NKIRAS1: variants seen among roughly 807,000 people sequenced by gnomAD.
NKIRAS1 encodes NF-kappa-B inhibitor-interacting Ras-like protein 1.
NKIRAS1 carries 16 observed loss-of-function variants against 19.8 expected under a neutral mutation model. That is an observed-to-expected ratio of 0.81 (90% CI 0.55 to 1.23). NKIRAS1 has a LOEUF of 1.23. NKIRAS1 is among the 50% of genes most tolerant of loss of function. The pLI is 0.00. For missense variants in NKIRAS1, 184 were observed against 220.0 expected (o/e 0.84, Z 1.04); for synonymous variants, 88 against 79.0 (o/e 1.11, Z -0.61).
intron 4 of NKIRAS1, among the ~76,000 whole-genome samples, chr3:23,895,063 G>C (rs1014816913): frequency 6.6e-6 from 1 of 152,108 alleles, no homozygotes; most frequent in Non-Finnish European, 1.5e-5. Flanking sequence ...TTTTTTTAAA[G>C]AGACAGGGTC....
At chr3:23,918,910 G>A (rs1390041639), upstream of NKIRAS1, 1 of 518,972 alleles carries the variant, frequency 1.9e-6, no homozygotes, top group Middle Eastern at 5.0e-4. Flanking sequence ...AAAAGATAAG[G>A]TCCCCAAACC....
upstream of NKIRAS1, chr3:23,920,444 C>A: frequency 1.0e-6 from 1 of 985,426 alleles, no homozygotes; most frequent in African/African-American, 1.7e-5. Flanking sequence ...CCCTAAAAAT[C>A]CTTACCATTC....
At chr3:23,918,896 T>C (rs948874090), upstream of NKIRAS1, 3 of 519,240 alleles carry the variant, frequency 5.8e-6, no homozygotes, top group East Asian at 3.2e-5. Flanking sequence ...CTCAGTTGTA[T>C]GGAAAAAGAT....
chr3:23,917,554 C>T (rs1041995595), upstream of NKIRAS1: 5 of 296,354 alleles, frequency 1.7e-5, no homozygotes, highest in African/African-American at 6.6e-5. Context: ...TTCAGGTCCT[C>T]CTTGGGGACG....
At chr3:23,925,182 C>T (rs1041777679) in intron 1 of NKIRAS1, among the ~76,000 whole-genome samples, 4 of 152,142 alleles carry the variant, frequency 2.6e-5, no homozygotes, top group Admixed American at 2.6e-4. Context: ...TACACTAATC[C>T]ATTTCGTTTC....
chr3:23,935,594 T>TA (rs990149310), intron 1 of NKIRAS1, among the ~76,000 whole-genome samples: 5 of 152,094 alleles, frequency 3.3e-5, no homozygotes, highest in Non-Finnish European at 7.4e-5. Flanking sequence ...GCTAATTTTT[T>TA]AAACATTATT....
rs1040053932 is a variant in NKIRAS1 at position 23,897,393 on chromosome 3, T to G, written c.336+3415A>C. Reference sequence around the variant, plus strand: ...GAACCAGACTGAACACAGTCCTTTTTACATATGATTGTCATTTTTGAACCA... The same window carrying G: ...GAACCAGACTGAACACAGTCCTTTTGACATATGATTGTCATTTTTGAACCA... On this transcript the variant is annotated intron_variant, in intron 4 of 4. Coordinates refer to ENST00000425478, the MANE Select transcript of NKIRAS1 (RefSeq NM_020345.4). 2.0e-5 allele frequency among the ~76,000 whole-genome samples: 3 copies of G among 152,210 alleles called. No individual in the cohort carries two copies. The South Asian group carries it at 6.2e-4, about 32-fold the overall frequency.
At chr3:23,946,231 A>T (rs1194203691) in intron 1 of NKIRAS1, 4 of 985,280 alleles carry the variant, frequency 4.1e-6, no homozygotes, top group African/African-American at 3.5e-5. Context: ...AGTGCACCGG[A>T]CGCCGCACGC....
intron 1 of NKIRAS1, among the ~76,000 whole-genome samples, chr3:23,944,749 T>C (rs1705583353): frequency 1.3e-5 from 2 of 149,378 alleles, no homozygotes; most frequent in Admixed American, 1.4e-4. Flanking sequence ...GCTATGAGAT[T>C]GGATAAAATC....
At chr3:23,905,283 G>A (rs2125395416) in intron 3 of NKIRAS1, among the ~76,000 whole-genome samples, 1 of 152,324 alleles carries the variant, frequency 6.6e-6, no homozygotes, top group East Asian at 1.9e-4. Flanking sequence ...CAAAAGTCAA[G>A]GGAAGGAATG....
chr3:23,918,661 T>C, upstream of NKIRAS1: 22 of 1,474,028 alleles, frequency 1.5e-5, no homozygotes, highest in Non-Finnish European at 2.0e-5. Context: ...TGATTGTACT[T>C]AGGTGAGCTG....
intron 1 of NKIRAS1, among the ~76,000 whole-genome samples, chr3:23,940,487 G>A (rs1451128416): frequency 6.6e-6 from 1 of 152,112 alleles, no homozygotes; most frequent in Non-Finnish European, 1.5e-5. Context: ...GTGTGCTGGA[G>A]TTGTGTACTG....
At chr3:23,937,321 A>C (rs1705413602) in intron 1 of NKIRAS1, among the ~76,000 whole-genome samples, 1 of 152,102 alleles carries the variant, frequency 6.6e-6, no homozygotes, top group Non-Finnish European at 1.5e-5. Context: ...GGAGGGCCAT[A>C]GACTCTGTCT....
chr3:23,911,132 T>C (rs988287580), intron 2 of NKIRAS1, among the ~76,000 whole-genome samples, 197 bp downstream of exon 2: 20 of 152,206 alleles, frequency 1.3e-4, no homozygotes, highest in Admixed American at 8.5e-4. Context: ...CAGTTTCTTA[T>C]ATATCTCACG....
At chr3:23,941,962 T>C (rs945397740) in intron 1 of NKIRAS1, among the ~76,000 whole-genome samples, 3 of 140,094 alleles carry the variant, frequency 2.1e-5, no homozygotes, top group Non-Finnish European at 4.7e-5. Flanking sequence ...AAATAGTCTT[T>C]ATTTATTTAC....
intron 4 of NKIRAS1, among the ~76,000 whole-genome samples, chr3:23,894,986 G>T (rs969427208): frequency 6.6e-6 from 1 of 152,084 alleles, no homozygotes; most frequent in East Asian, 1.9e-4. Context: ...TTCTCCAATG[G>T]TCTCATCATC....
rs1406183575 is a variant in NKIRAS1, at chr3:23,890,871, T to C, written c.*2224A>G. On this transcript the variant is annotated 3_prime_UTR_variant, in exon 5 of 5. Transcript: ENST00000425478. ...CAGAAAAGAATGTACATTTAGACATTTGGGTTCAGTTGCTTGTAGTCTGTA... is the reference window on the plus strand; with the variant it reads ...CAGAAAAGAATGTACATTTAGACATCTGGGTTCAGTTGCTTGTAGTCTGTA... 3.5e-6 allele frequency: 1 copy of C among 283,742 alleles called. No homozygotes were observed. Among genetic ancestry groups the C allele is most frequent in the Non-Finnish European group, 6.5e-6 (1 of 153,018 alleles). 17.6% of individuals were successfully genotyped at this position (283,742 alleles called of 1,614,324 possible). A position where few individuals can be genotyped will look rare whatever the true frequency, so the allele number is the denominator to read the frequency against.
chr3:23,919,806 G>C, upstream of NKIRAS1: 3 of 1,067,786 alleles, frequency 2.8e-6, no homozygotes, highest in Non-Finnish European at 3.4e-6. Flanking sequence ...AACTAGCCCT[G>C]TAGATTTGTC....
intron 3 of NKIRAS1, among the ~76,000 whole-genome samples, chr3:23,910,207 GA>G (rs1703545408): frequency 6.8e-6 from 1 of 147,378 alleles, no homozygotes; most frequent in Non-Finnish European, 1.5e-5. Flanking sequence ...GCCCAGGCTG[GA>G]GTGTAGTAAC....
Sources: allele counts gnomAD v4.1 joint callset (sites outside exome capture counted in the v4.1 genomes callset), GRCh38; gene constraint gnomAD v4.1.1; transcripts MANE v1.5; gene names NCBI Gene and HGNC (gene_info 2026-07-23, HGNC 2026-07-21).